Variants in C1orf185 observed in about 807,000 individuals in gnomAD.
C1orf185 encodes uncharacterized protein C1orf185.
A neutral mutation model predicts 16.1 loss-of-function variants in C1orf185; 13 were observed. The observed-to-expected ratio is 0.81, with a 90% CI of 0.53 to 1.28. The LOEUF (loss-of-function observed/expected upper bound fraction) is 1.28, where lower values mean the gene tolerates loss of function less well. C1orf185 is among the 50% of genes most tolerant of loss of function. The pLI is 0.00. For synonymous variants in C1orf185, 80 were observed against 76.9 expected (o/e 1.04, Z -0.21); for missense variants, 220 against 225.2 (o/e 0.98, Z 0.15).
intron 4 of C1orf185, 22 bp from the exon 5 acceptor site, chr1:51,147,445 C>G (rs1646408092): frequency 6.8e-7 from 1 of 1,480,870 alleles, no homozygotes; most frequent in Non-Finnish European, 9.0e-7. Flanking sequence ...ATATAATATT[C>G]ATAGTAAATC....
intron 3 of C1orf185, among the ~76,000 whole-genome samples, chr1:51,142,343 A>T (rs1646370182): frequency 6.6e-6 from 1 of 152,178 alleles, no homozygotes; most frequent in Admixed American, 6.5e-5. Flanking sequence ...AAAGTCCACG[A>T]CAGTTATTTT....
chr1:51,120,499 G>A (rs1056591376), intron 3 of C1orf185, among the ~76,000 whole-genome samples: 8 of 152,120 alleles, frequency 5.3e-5, no homozygotes, highest in African/African-American at 1.7e-4. Context: ...AGTGAGCACC[G>A]TACAATTCTA....
At chr1:51,131,241 G>C (rs1280905921) in intron 3 of C1orf185, among the ~76,000 whole-genome samples, 2 of 152,200 alleles carry the variant, frequency 1.3e-5, no homozygotes, top group African/African-American at 4.8e-5. Flanking sequence ...TTAGGTCAAG[G>C]TTCATTTGTG....
chr1:51,120,476 T>C (rs1436256264), intron 3 of C1orf185, among the ~76,000 whole-genome samples: 1 of 152,210 alleles, frequency 6.6e-6, no homozygotes, highest in East Asian at 1.9e-4. Flanking sequence ...CTCAGAATAG[T>C]GCCTGATCCT....
At chr1:51,111,292 T>C (rs1646116813) in intron 1 of C1orf185, among the ~76,000 whole-genome samples, 1 of 151,798 alleles carries the variant, frequency 6.6e-6, no homozygotes, top group South Asian at 2.1e-4. Flanking sequence ...GGTAATATCA[T>C]ATAATTCCTA....
intron 3 of C1orf185, among the ~76,000 whole-genome samples, chr1:51,131,673 A>G (rs1234111438): frequency 6.6e-6 from 1 of 152,236 alleles, no homozygotes; most frequent in Non-Finnish European, 1.5e-5. Flanking sequence ...AGTTAAGCTT[A>G]TCCATATTGC....
chr1:51,145,753 T>A lies in C1orf185; in HGVS notation c.288T>A (p.His96Gln). Residue 96 changes from histidine to glutamine, a missense_variant, in exon 4 of 5, where the codon CAT (histidine) becomes CAA (glutamine). His to Gln is a conservative substitution (Grantham distance 24). Coordinates refer to ENST00000371759, the MANE Select transcript of C1orf185 (RefSeq NM_001136508.2). ...AGCAAAGAAAAAAGGAAGCAGCACA[T>A]ATAAAAGGTATTTTTTCTCAATAAT... ...QEEQRKKEAA[H>Q]IKAIKDHSKD... The A allele has an allele frequency of 1.5e-6, 2 of 1,307,770 alleles. No homozygotes were observed. Among genetic ancestry groups the A allele is most frequent in the Non-Finnish European group, 2.1e-6 (2 of 964,328 alleles). 81.0% of individuals were successfully genotyped at this position (1,307,770 alleles called of 1,614,324 possible). A position where few individuals can be genotyped will look rare whatever the true frequency, so the allele number is the denominator to read the frequency against.
At chr1:51,104,079 T>G (rs979488780) in intron 1 of C1orf185, among the ~76,000 whole-genome samples, 7 of 152,192 alleles carry the variant, frequency 4.6e-5, no homozygotes, top group Non-Finnish European at 1.0e-4. Context: ...CATTATAGAT[T>G]TTTAAACCTC....
At chr1:51,138,431 T>C (rs1414383611) in intron 3 of C1orf185, among the ~76,000 whole-genome samples, 4 of 151,892 alleles carry the variant, frequency 2.6e-5, no homozygotes, top group African/African-American at 9.7e-5. Context: ...CTTGCTCTGT[T>C]GCCCAGGCTG....
intron 1 of C1orf185, among the ~76,000 whole-genome samples, chr1:51,111,377 T>C (rs2148011101): frequency 6.7e-6 from 1 of 148,780 alleles, no homozygotes; most frequent in Non-Finnish European, 1.5e-5. Context: ...TTTCTTTCTT[T>C]TTTTTTTTTT....
In C1orf185 at chr1:51,118,713, G is replaced by T; in HGVS notation, c.170G>T (p.Arg57Met). Residue 57 changes from arginine (R) to methionine (M), a missense_variant, in exon 3 of 5, where the codon AGG becomes ATG. Transcript: ENST00000371759. ...TTTAAAGCAATTGATGAGAGATGCA[G>T]GCAAAGACCATCAATGGCGAAGATT... ...SKFKAIDERC[R>M]QRPSMAKIKS... 6.7e-7 allele frequency: 1 copy of T among 1,483,516 alleles called. No homozygotes were observed. 91.9% of individuals were successfully genotyped at this position (1,483,516 alleles called of 1,614,324 possible). A position where few individuals can be genotyped will look rare whatever the true frequency, so the allele number is the denominator to read the frequency against.
At chr1:51,108,539 T>C (rs548152240) in intron 1 of C1orf185, among the ~76,000 whole-genome samples, 1 of 152,312 alleles carries the variant, frequency 6.6e-6, no homozygotes, top group East Asian at 1.9e-4. Context: ...TCCTTCTAAC[T>C]GTATGTTTGT....
At chr1:51,136,307 CATTTT>C (rs1646323434) in intron 3 of C1orf185, among the ~76,000 whole-genome samples, 1 of 151,088 alleles carries the variant, frequency 6.6e-6, no homozygotes, top group Non-Finnish European at 1.5e-5. Flanking sequence ...GAAAAAAAAT[CATTTT>C]ATTTTATTAT....
intron 3 of C1orf185, among the ~76,000 whole-genome samples, chr1:51,133,815 T>C (rs918387575): frequency 2.6e-5 from 4 of 152,204 alleles, no homozygotes; most frequent in African/African-American, 4.8e-5. Flanking sequence ...AGTAAAACAC[T>C]CTGGCTGGGC....
At chr1:51,150,685 C>T (rs1221349392), downstream of C1orf185, among the ~76,000 whole-genome samples, 1 of 152,156 alleles carries the variant, frequency 6.6e-6, no homozygotes, top group Non-Finnish European at 1.5e-5. Context: ...TGCAAGCTGA[C>T]AAGGTATCCT....
chr1:51,118,956 A>T (rs1432314465), intron 3 of C1orf185, among the ~76,000 whole-genome samples, 155 bp downstream of exon 3: 5 of 152,222 alleles, frequency 3.3e-5, no homozygotes, highest in African/African-American at 1.2e-4. Context: ...AGGAAAACTG[A>T]AAAGCTAAAT....
chr1:51,147,356 A>T (rs188400350), intron 4 of C1orf185, 111 bp from the exon 5 acceptor site: 94 of 946,502 alleles, frequency 9.9e-5, no homozygotes, highest in Non-Finnish European at 1.4e-4. Flanking sequence ...TGTGTGGATG[A>T]TAGCAACTCA....
chr1:51,147,528 C>T lies in C1orf185; in HGVS notation c.357C>T (p.Pro119=). The part of the protein sequence containing the change: ...QLATKNIICD[P]SETSSTTNRS... ...CAACAAAAAATATCATTTGTGATCC[C>T]TCAGAGACCAGCTCCACAACAAATC... Residue 119 remains proline (P), a synonymous_variant, in exon 5 of 5, where the codon CCC becomes CCT. Transcript: ENST00000371759. The T allele has an allele frequency of 6.4e-7, 1 of 1,551,122 alleles. No individual in the cohort carries two copies. Among genetic ancestry groups the T allele is most frequent in the Non-Finnish European group, 8.7e-7 (1 of 1,146,810 alleles).
chr1:51,149,074 G>A (rs1216914895), downstream of C1orf185, among the ~76,000 whole-genome samples: 2 of 152,172 alleles, frequency 1.3e-5, no homozygotes, highest in Non-Finnish European at 2.9e-5. Flanking sequence ...TCCAGTCTAT[G>A]AGACCCTTGG....
Sources: allele counts gnomAD v4.1 joint callset (sites outside exome capture counted in the v4.1 genomes callset), GRCh38; gene constraint gnomAD v4.1.1; transcripts MANE v1.5; gene names NCBI Gene and HGNC (gene_info 2026-07-23, HGNC 2026-07-21).